PARVA: variants seen among roughly 807,000 people sequenced by gnomAD.
PARVA encodes the protein parvin alpha.
PARVA carries 25 observed loss-of-function variants against 52.6 expected under a neutral mutation model. That is an observed-to-expected ratio of 0.48 (90% CI 0.35 to 0.66). PARVA has a LOEUF of 0.66. PARVA is among the 30% of genes least tolerant of loss of function. The probability of loss-of-function intolerance (pLI) is 0.01; values close to 1 mark genes in which losing one functional copy is unlikely to be tolerated. For missense variants in PARVA, 373 were observed against 450.9 expected, an observed-to-expected ratio of 0.83 and a Z score of 1.56; for synonymous variants, 185 against 179.1, an observed-to-expected ratio of 1.03 and a Z score of -0.26.
At chr11:12,406,046 G>T (rs1488473233) in intron 1 of PARVA, among the ~76,000 whole-genome samples, 2 of 152,186 alleles carry the variant, frequency 1.3e-5, no homozygotes, top group Non-Finnish European at 2.9e-5. Context: ...TTTTAGCTTT[G>T]TTTTTACAAA....
chr11:12,377,389 G>T, upstream of PARVA: 2 of 1,357,364 alleles, frequency 1.5e-6, no homozygotes, highest in South Asian at 3.5e-5. Flanking sequence ...CAGTTTTGGG[G>T]CATCCTCCCT....
At chr11:12,423,991 C>A (rs1291450185) in intron 1 of PARVA, among the ~76,000 whole-genome samples, 1 of 152,098 alleles carries the variant, frequency 6.6e-6, no homozygotes, top group Non-Finnish European at 1.5e-5. Context: ...AGTATTCTTG[C>A]AGGAATATAA....
intron 1 of PARVA, among the ~76,000 whole-genome samples, chr11:12,452,291 A>C (rs999284523): frequency 6.6e-6 from 1 of 152,184 alleles, no homozygotes; most frequent in Admixed American, 6.5e-5. Flanking sequence ...TCCTTAATGC[A>C]TGCCTAAGAT....
At chr11:12,423,572 T>C (rs1170067400) in intron 1 of PARVA, among the ~76,000 whole-genome samples, 4 of 152,136 alleles carry the variant, frequency 2.6e-5, no homozygotes. Context: ...ATAAATATGC[T>C]CTCCTTTTTT....
rs575743177 is a variant in PARVA at position 12,461,343 on chromosome 11, C to T, written c.137-12402C>T. On this transcript the variant is annotated intron_variant, in intron 1 of 12. Transcript: ENST00000334956. ...TCAAGTTCTATGTTCTCCCCAAGGC[C>T]GTTACAAATGCTCAGGGCATGTGGA... Among the ~76,000 whole-genome samples, 14 of 152,240 alleles carry T rather than the reference C, an allele frequency of 9.2e-5. No homozygotes were observed. In the East Asian group the frequency reaches 2.7e-3, roughly 29 times the overall value.
intron 1 of PARVA, among the ~76,000 whole-genome samples, chr11:12,406,673 T>TTTTTTG (rs1939914303): frequency 1.5e-5 from 2 of 136,080 alleles, no homozygotes; most frequent in Admixed American, 1.4e-4. Context: ...TTTTTTTTTT[T>TTTTTTG]TTTTTTTTTT....
chr11:12,413,420 A>G (rs1446728484), intron 1 of PARVA, among the ~76,000 whole-genome samples: 1 of 152,260 alleles, frequency 6.6e-6, no homozygotes, highest in Admixed American at 6.5e-5. Flanking sequence ...ATTAATAATA[A>G]TGACAAAAGG....
At chr11:12,494,995 G>A (rs1403443328) in intron 4 of PARVA, among the ~76,000 whole-genome samples, 1 of 152,114 alleles carries the variant, frequency 6.6e-6, no homozygotes, top group Non-Finnish European at 1.5e-5. Context: ...CTTCTATAGA[G>A]ACAATTACAT....
chr11:12,454,789 CA>C (rs1286011044), intron 1 of PARVA, among the ~76,000 whole-genome samples: 1 of 152,082 alleles, frequency 6.6e-6, no homozygotes, highest in African/African-American at 2.4e-5. Flanking sequence ...ATCATTTTAG[CA>C]TATATATTTA....
chr11:12,486,301 AGGTG>A (rs1427787120), intron 4 of PARVA, among the ~76,000 whole-genome samples: 1 of 152,186 alleles, frequency 6.6e-6, no homozygotes, highest in Non-Finnish European at 1.5e-5. Context: ...TGGGAGGCCG[AGGTG>A]GGTGGATCAC....
chr11:12,404,374 A>G (rs1939873344), intron 1 of PARVA, among the ~76,000 whole-genome samples: 1 of 152,076 alleles, frequency 6.6e-6, no homozygotes, highest in Admixed American at 6.5e-5. Context: ...TGGGGATGCA[A>G]AGGAGAGCAT....
intron 1 of PARVA, among the ~76,000 whole-genome samples, chr11:12,390,685 C>T (rs1190748116): frequency 6.6e-6 from 1 of 152,198 alleles, no homozygotes; most frequent in African/African-American, 2.4e-5. Context: ...CATTCTCCCA[C>T]ACTTGAGACT....
Position 12,486,017 on chromosome 11 carries a change from T to TGAAACAGAAAAAGGGCATTAGAAAAAA in PARVA, c.400+8069_400+8095dup, listed in dbSNP as rs1236864733. 5.9e-5 allele frequency among the ~76,000 whole-genome samples: 9 copies of TGAAACAGAAAAAGGGCATTAGAAAAAA among 152,254 alleles called. No homozygotes were observed. The East Asian group carries it at 1.5e-3, about 26-fold the overall frequency. Reference sequence around the variant, plus strand: ...AGAAGTGGTATCCTAGACCGTTTCCTGAAACAGAAAAAGGGCATTAGAAAA... The same window carrying TGAAACAGAAAAAGGGCATTAGAAAAAA: ...AGAAGTGGTATCCTAGACCGTTTCCTGAAACAGAAAAAGGGCATTAGAAAAAAGAAACAGAAAAAGGGCATTAGAAAA... On this transcript the variant is annotated intron_variant, in intron 4 of 12. Transcript: ENST00000334956.
At chr11:12,524,482 C>G (rs1941676388) in intron 12 of PARVA, among the ~76,000 whole-genome samples, 2 of 152,192 alleles carry the variant, frequency 1.3e-5, no homozygotes, top group South Asian at 4.1e-4. Context: ...GAAAACAAAT[C>G]CCCCTGCCTC....
In PARVA at chr11:12,504,363, G is replaced by T. The variant is rs776832146; in HGVS notation, c.591G>T (p.Leu197=). Residue 197 remains leucine, a synonymous_variant, in exon 6 of 13, where the codon CTG becomes CTT. Coordinates refer to ENST00000334956, the MANE Select transcript of PARVA (RefSeq NM_018222.5). ...CCATCTTACACCTGCTCGTTGCTCTGTCTCAGTATTTCCGCGCACCAATTC... is the reference window on the plus strand; with the variant it reads ...CCATCTTACACCTGCTCGTTGCTCTTTCTCAGTATTTCCGCGCACCAATTC... ...LVAILHLLVA[L]SQYFRAPIRL... 1.3e-5 allele frequency: 21 copies of T among 1,613,756 alleles called. No individual in the cohort carries two copies. In the East Asian group the frequency reaches 4.2e-4, roughly 33 times the overall value.
intron 1 of PARVA, among the ~76,000 whole-genome samples, chr11:12,383,596 T>C (rs1939524935): frequency 6.6e-6 from 1 of 152,200 alleles, no homozygotes; most frequent in South Asian, 2.1e-4. Flanking sequence ...CTAGAGTGAG[T>C]AGAACCCTTA....
At chr11:12,507,314 A>G (rs1027807591) in intron 6 of PARVA, among the ~76,000 whole-genome samples, 3 of 152,108 alleles carry the variant, frequency 2.0e-5, no homozygotes, top group Non-Finnish European at 2.9e-5. Context: ...ATCGCTTGCT[A>G]TGTCACAGCA....
intron 7 of PARVA, among the ~76,000 whole-genome samples, chr11:12,511,174 C>A (rs1039901309): frequency 2.0e-5 from 3 of 152,120 alleles, no homozygotes; most frequent in African/African-American, 7.2e-5. Flanking sequence ...AATCTTCAGC[C>A]CCTGAGTCCA....
chr11:12,504,565 G>A, intron 6 of PARVA, 136 bp downstream of exon 6: 2 of 627,738 alleles, frequency 3.2e-6, no homozygotes, highest in East Asian at 5.5e-5. Context: ...TATATTGGGA[G>A]GCACTGAATG....
Sources: gnomAD v4.1 joint callset for allele counts (sites outside exome capture counted in the v4.1 genomes callset) on GRCh38, gnomAD v4.1.1 for gene constraint, MANE v1.5 for transcripts, NCBI Gene and HGNC (gene_info 2026-07-23, HGNC 2026-07-21) for gene names.